Variants in NDUFAF2 observed in about 807,000 individuals in gnomAD.
NDUFAF2 encodes the protein NADH:ubiquinone oxidoreductase complex assembly factor 2.
In NDUFAF2, 13 loss-of-function variants were observed where a neutral mutation model predicts 22.8. That is an observed-to-expected ratio of 0.57 (90% CI 0.37 to 0.91). The LOEUF is 0.91. Among genes scored for constraint, NDUFAF2 ranks in the 40% least tolerant of loss-of-function variants. NDUFAF2 has a pLI of 0.01. For missense variants in NDUFAF2, 162 were observed against 195.2 expected, an observed-to-expected ratio of 0.83 and a Z score of 1.01; for synonymous variants, 53 against 64.2, an observed-to-expected ratio of 0.83 and a Z score of 0.84.
At chr5:61,113,711 G>A (rs578168461) in intron 3 of NDUFAF2, among the ~76,000 whole-genome samples, 54 of 152,270 alleles carry the variant, frequency 3.5e-4, no homozygotes, top group African/African-American at 1.3e-3. Flanking sequence ...GGCCTCCCCA[G>A]CCATGCTGAA....
At chr5:61,035,433 T>TTTTTTTTTG (rs1751787636) in intron 1 of NDUFAF2, among the ~76,000 whole-genome samples, 1 of 146,242 alleles carries the variant, frequency 6.8e-6, no homozygotes, top group African/African-American at 2.6e-5. Context: ...TGTTTTTTTT[T>TTTTTTTTTG]TTTTTTTTTT....
intron 1 of NDUFAF2, among the ~76,000 whole-genome samples, chr5:60,946,690 T>C (rs183615127): frequency 1.5e-4 from 23 of 152,346 alleles, no homozygotes; most frequent in Non-Finnish European, 3.2e-4. Context: ...ACATTCACCC[T>C]TTATGGTGTA....
At chr5:61,043,597 C>G (rs563052193) in intron 1 of NDUFAF2, among the ~76,000 whole-genome samples, 218 of 152,128 alleles carry the variant, frequency 1.4e-3, no homozygotes, top group Middle Eastern at 3.4e-3. Context: ...CTTTCTGTGC[C>G]TGCTTACTTA....
chr5:61,013,444 T>C (rs1348561702), intron 1 of NDUFAF2, among the ~76,000 whole-genome samples: 2 of 152,198 alleles, frequency 1.3e-5, no homozygotes, highest in African/African-American at 2.4e-5. Context: ...TTCTGTGTTA[T>C]ATTGATTTAA....
intron 1 of NDUFAF2, among the ~76,000 whole-genome samples, chr5:61,006,710 A>G (rs1239834158): frequency 2.6e-5 from 4 of 152,124 alleles, no homozygotes; most frequent in Admixed American, 2.6e-4. Context: ...GCAATTGTGA[A>G]TTAGAAAACT....
At position 61,152,868 on chromosome 5, in the gene NDUFAF2, A is replaced by G. The variant is rs550008432; in HGVS notation, c.423A>G (p.Glu141=). 150 of 1,610,812 alleles carry G rather than the reference A, an allele frequency of 9.3e-5. No individual in the cohort carries two copies. The East Asian group carries it at 2.4e-3, about 26-fold the overall frequency. The change falls in exon 4 of 4, where the codon GAA becomes GAG. Residue 141 remains glutamate, a synonymous_variant. Transcript: ENST00000296597. ...CCTCTGCTCCATACTTTGGAAAGGA[A>G]GAACCCTCAGTGGCTCCCAGCAGCA... ...GHASAPYFGK[E]EPSVAPSSTG...
intron 1 of NDUFAF2, among the ~76,000 whole-genome samples, chr5:61,014,457 T>A (rs1751481630): frequency 6.6e-6 from 1 of 152,154 alleles, no homozygotes; most frequent in South Asian, 2.1e-4. Flanking sequence ...TAGGTGGTAG[T>A]GAATAAATTG....
chr5:61,045,371 A>G (rs1370579666), intron 1 of NDUFAF2, among the ~76,000 whole-genome samples: 1 of 150,344 alleles, frequency 6.7e-6, no homozygotes, highest in African/African-American at 2.4e-5. Flanking sequence ...TCATTTTAAA[A>G]TTTCTTTTAT....
At chr5:60,973,732 A>T (rs1202550120) in intron 1 of NDUFAF2, among the ~76,000 whole-genome samples, 5 of 152,128 alleles carry the variant, frequency 3.3e-5, no homozygotes, top group South Asian at 2.1e-4. Flanking sequence ...ATGCATTCTT[A>T]AGTTCTTTAT....
intron 1 of NDUFAF2, among the ~76,000 whole-genome samples, chr5:60,954,346 A>C (rs542189839): frequency 6.6e-6 from 1 of 152,308 alleles, no homozygotes; most frequent in South Asian, 2.1e-4. Flanking sequence ...GGATCAGTAG[A>C]TGTCCATTTC....
intron 1 of NDUFAF2, among the ~76,000 whole-genome samples, chr5:61,021,194 T>G (rs1300719468): frequency 6.6e-6 from 1 of 152,172 alleles, no homozygotes; most frequent in Non-Finnish European, 1.5e-5. Context: ...AGAGGTCAGA[T>G]AGCCAAAATT....
Position 61,114,190 on chromosome 5 carries a change from T to A in NDUFAF2, c.258+15158T>A, listed in dbSNP as rs1035193743. 7.9e-5 allele frequency among the ~76,000 whole-genome samples: 12 copies of A among 152,300 alleles called. No individual in the cohort carries two copies. In the East Asian group the frequency reaches 2.3e-3, roughly 29 times the overall value. ...TGTCTTTTTGAGGTTATTTTCTAGA[T>A]CATGTAGGCATGGTTCCTTGTTTTT... On this transcript the variant is annotated intron_variant, in intron 3 of 3. Coordinates refer to ENST00000296597, the MANE Select transcript of NDUFAF2 (RefSeq NM_174889.5).
chr5:60,947,639 G>A (rs1231266046), intron 1 of NDUFAF2, among the ~76,000 whole-genome samples: 6 of 151,686 alleles, frequency 4.0e-5, no homozygotes, highest in African/African-American at 1.2e-4. Context: ...GGTGGCACGC[G>A]CCTGTAATCC....
At chr5:61,032,654 A>G (rs1229125822) in intron 1 of NDUFAF2, among the ~76,000 whole-genome samples, 1 of 152,166 alleles carries the variant, frequency 6.6e-6, no homozygotes, top group Non-Finnish European at 1.5e-5. Context: ...GAAGTCAGGT[A>G]GTGTGATGCC....
chr5:60,999,535 G>T (rs1259072032), intron 1 of NDUFAF2, among the ~76,000 whole-genome samples: 1 of 152,022 alleles, frequency 6.6e-6, no homozygotes, highest in African/African-American at 2.4e-5. Flanking sequence ...CACTGATAGA[G>T]AAGCAAATTG....
intron 3 of NDUFAF2, among the ~76,000 whole-genome samples, chr5:61,151,549 C>T (rs542771341): frequency 1.6e-4 from 24 of 152,256 alleles, no homozygotes; most frequent in African/African-American, 5.8e-4. Context: ...GAGGCTGAGG[C>T]GGGCAGATCA....
intron 3 of NDUFAF2, among the ~76,000 whole-genome samples, chr5:61,130,104 TA>T (rs1233313285): frequency 6.6e-6 from 1 of 152,092 alleles, no homozygotes; most frequent in African/African-American, 2.4e-5. Context: ...TGATGTCTTT[TA>T]AAAAAATGGT....
chr5:60,945,229 G>A lies in NDUFAF2; in HGVS notation c.-27G>A, dbSNP rs1301511623. 1.9e-6 allele frequency: 3 copies of A among 1,610,572 alleles called. No homozygotes were observed. The highest frequency in any genetic ancestry group is 1.1e-5 in the South Asian group (1 of 90,616). On this transcript the variant is annotated 5_prime_UTR_variant, in exon 1 of 4. Coordinates refer to ENST00000296597, the MANE Select transcript of NDUFAF2 (RefSeq NM_174889.5). Reference sequence around the variant, plus strand: ...TACCCCTACTGCGGGTCCCGCTGCTGGCAGCGCTGGAAACTGGGTGGACGG... The same window carrying A: ...TACCCCTACTGCGGGTCCCGCTGCTAGCAGCGCTGGAAACTGGGTGGACGG...
intron 1 of NDUFAF2, among the ~76,000 whole-genome samples, chr5:60,973,977 A>G (rs1750868632): frequency 6.6e-6 from 1 of 152,018 alleles, no homozygotes; most frequent in African/African-American, 2.4e-5. Flanking sequence ...CTAATTTTTG[A>G]TATTTTGGGT....
Sources: gnomAD v4.1 joint callset for allele counts (sites outside exome capture counted in the v4.1 genomes callset) on GRCh38, gnomAD v4.1.1 for gene constraint, MANE v1.5 for transcripts, NCBI Gene and HGNC (gene_info 2026-07-23, HGNC 2026-07-21) for gene names.